Variants in SNUPN observed in about 807,000 individuals in gnomAD.
SNUPN encodes the protein snurportin 1.
SNUPN carries 31 observed loss-of-function variants against 39.2 expected under a neutral mutation model. That is an observed-to-expected ratio of 0.79 (90% CI 0.59 to 1.07). The LOEUF is 1.07. Ranked by LOEUF, SNUPN falls within the 50% of genes least tolerant of loss-of-function variation. SNUPN has a pLI of 0.00. For missense variants in SNUPN, 382 were observed against 434.2 expected (o/e 0.88, Z 1.07); for synonymous variants, 132 against 159.0 (o/e 0.83, Z 1.28).
At chr15:75,626,209 C>T (rs962343258), upstream of SNUPN, 2 of 152,258 alleles carry the variant, frequency 1.3e-5, no homozygotes, top group Admixed American at 6.5e-5. Flanking sequence ...TTCGCTCCCC[C>T]ACTTGCCCTT....
rs750100723 is a variant in SNUPN at position 75,598,463 on chromosome 15, G to A, written c.978C>T (p.His326=). 5 of 1,614,092 alleles carry A rather than the reference G, an allele frequency of 3.1e-6. No individual in the cohort carries two copies. The highest frequency in any genetic ancestry group is 1.3e-5 in the African/African-American group (1 of 74,946). ...QKEGMKEKLT[H]KASENGHYEL... is the part of the protein sequence containing the mutation. ...CATAGTGCCCATTCTCAGAGGCCTTGTGTGTGAGTTTCTCCTTCATGCCTT... is the reference window on the plus strand; with the variant it reads ...CATAGTGCCCATTCTCAGAGGCCTTATGTGTGAGTTTCTCCTTCATGCCTT... Residue 326 remains histidine (H), a synonymous_variant, in exon 9 of 9, where the codon CAC becomes CAT. Transcript: ENST00000308588.
At chr15:75,613,322 T>C (rs1228937038) in intron 3 of SNUPN, among the ~76,000 whole-genome samples, 2 of 124,718 alleles carry the variant, frequency 1.6e-5, no homozygotes, top group African/African-American at 6.1e-5. Context: ...AAAGAAGATA[T>C]ACAAATGACC....
chr15:75,608,662 T>A lies in SNUPN; in HGVS notation c.502+896A>T, dbSNP rs540705990. Among the ~76,000 whole-genome samples, 8 of 152,286 alleles carry A rather than the reference T, an allele frequency of 5.3e-5. No individual in the cohort carries two copies. The East Asian group carries it at 1.3e-3, about 26-fold the overall frequency. ...ATGCTTAGTATTCTCTCAGAGACGTTTCCCCCCAAATCTGTATCTGTTGTC... is the reference window on the plus strand; with the variant it reads ...ATGCTTAGTATTCTCTCAGAGACGTATCCCCCCAAATCTGTATCTGTTGTC... On this transcript the variant is annotated intron_variant, in intron 5 of 8. Transcript: ENST00000308588.
At chr15:75,605,333 G>T (rs758079313) in intron 6 of SNUPN, 106 bp from the exon 7 acceptor site, 2 of 631,000 alleles carry the variant, frequency 3.2e-6, no homozygotes, top group Non-Finnish European at 5.3e-6. Flanking sequence ...TTGAGATGGA[G>T]TGTTGCTCTG....
intron 3 of SNUPN, among the ~76,000 whole-genome samples, chr15:75,612,126 G>A (rs1261524319): frequency 6.7e-6 from 1 of 149,626 alleles, no homozygotes; most frequent in African/African-American, 2.5e-5. Flanking sequence ...TCCACCTCCC[G>A]GGTTCAAGCG....
In SNUPN at chr15:75,609,149, A is replaced by C. The variant is rs1018639170; in HGVS notation, c.502+409T>G. On this transcript the variant is annotated intron_variant, in intron 5 of 8. Transcript: ENST00000308588. Reference sequence around the variant, plus strand: ...CTGTCTCAAAAAACAAAAAAAAAAAACAAAGATAAGCTATCAAAGTGGGTC... The same window carrying C: ...CTGTCTCAAAAAACAAAAAAAAAAACCAAAGATAAGCTATCAAAGTGGGTC... Among the ~76,000 whole-genome samples, 3 of 150,122 alleles carry C rather than the reference A, an allele frequency of 2.0e-5. No homozygotes were observed. In the East Asian group the frequency reaches 5.8e-4, roughly 29 times the overall value.
intron 8 of SNUPN, chr15:75,600,677 G>A (rs2075278603): frequency 5.7e-6 from 1 of 174,552 alleles, no homozygotes. Flanking sequence ...CTGTCCCCAA[G>A]GGCCATCTTC....
chr15:75,624,597 C>G (rs1359566909), intron 1 of SNUPN: 1 of 381,988 alleles, frequency 2.6e-6, no homozygotes, highest in Admixed American at 6.2e-5. Flanking sequence ...GGCTTGAACC[C>G]GTAAGGCGGA....
intron 8 of SNUPN, among the ~76,000 whole-genome samples, chr15:75,599,896 A>C (rs1595980509): frequency 6.9e-6 from 1 of 144,710 alleles, no homozygotes. Context: ...GCTGCAGTGG[A>C]GTGCGGTGGT....
chr15:75,617,117 CA>C (rs1304661182), intron 3 of SNUPN, among the ~76,000 whole-genome samples: 1 of 152,250 alleles, frequency 6.6e-6, no homozygotes, highest in Non-Finnish European at 1.5e-5. Flanking sequence ...ATCAATAGCT[CA>C]GGGGCTTTCT....
At chr15:75,603,262 T>C (rs1354905625) in intron 7 of SNUPN, among the ~76,000 whole-genome samples, 1 of 145,806 alleles carries the variant, frequency 6.9e-6, no homozygotes. Flanking sequence ...TTAGCCAGGA[T>C]GGTCTCGATC....
chr15:75,611,473 C>T (rs572757269), intron 3 of SNUPN, among the ~76,000 whole-genome samples: 4 of 151,574 alleles, frequency 2.6e-5, no homozygotes, highest in African/African-American at 7.2e-5. Flanking sequence ...AGGATGGTCT[C>T]GATCTCCTGA....
intron 3 of SNUPN, among the ~76,000 whole-genome samples, chr15:75,610,868 T>A (rs1000034559): frequency 6.6e-6 from 1 of 152,188 alleles, no homozygotes; most frequent in African/African-American, 2.4e-5. Flanking sequence ...CTCTTCCATC[T>A]GTAAAGACTT....
At chr15:75,599,882 C>T (rs981782013) in intron 8 of SNUPN, among the ~76,000 whole-genome samples, 6 of 151,244 alleles carry the variant, frequency 4.0e-5, no homozygotes, top group Non-Finnish European at 5.9e-5. Context: ...CGCTCGTTGC[C>T]CAGGCTGCAG....
chr15:75,614,171 G>A (rs1448081891), intron 3 of SNUPN, among the ~76,000 whole-genome samples: 2 of 152,018 alleles, frequency 1.3e-5, no homozygotes, highest in Admixed American at 6.6e-5. Context: ...CACACCTGTA[G>A]TCCCAGCTAC....
chr15:75,600,464 G>A (rs916175392), intron 8 of SNUPN, among the ~76,000 whole-genome samples: 1 of 151,950 alleles, frequency 6.6e-6, no homozygotes, highest in Non-Finnish European at 1.5e-5. Flanking sequence ...TAGTAGAAAC[G>A]AGGTTTTGCC....
At chr15:75,601,884 C>CG (rs1398015910) in intron 7 of SNUPN, among the ~76,000 whole-genome samples, 3 of 145,746 alleles carry the variant, frequency 2.1e-5, no homozygotes, top group East Asian at 3.9e-4. Flanking sequence ...CTTTCCTCCC[C>CG]CTTTTTTTTA....
intron 3 of SNUPN, among the ~76,000 whole-genome samples, chr15:75,611,611 CT>C (rs1157261759): frequency 1.3e-5 from 2 of 151,704 alleles, no homozygotes; most frequent in African/African-American, 4.8e-5. Context: ...AATCCCAGCA[CT>C]TTGAGAGGCT....
chr15:75,605,852 A>G (rs2075326956), intron 6 of SNUPN, among the ~76,000 whole-genome samples: 2 of 152,236 alleles, frequency 1.3e-5, no homozygotes, highest in Middle Eastern at 3.4e-3. Flanking sequence ...CTCAGCTTCC[A>G]TATCTATATG....
Sources: gnomAD v4.1 joint callset for allele counts (sites outside exome capture counted in the v4.1 genomes callset) on GRCh38, gnomAD v4.1.1 for gene constraint, MANE v1.5 for transcripts, NCBI Gene and HGNC (gene_info 2026-07-23, HGNC 2026-07-21) for gene names.